The following KATNBL1 variants were observed in gnomAD, a reference collection of about 807,000 sequenced individuals.
The protein encoded by KATNBL1 is katanin regulatory subunit B1 like 1.
A neutral mutation model predicts 44.7 loss-of-function variants in KATNBL1; 28 were observed. The observed-to-expected ratio is 0.63, with a 90% CI of 0.46 to 0.86. The LOEUF is 0.86. Ranked by LOEUF, KATNBL1 falls within the 40% of genes least tolerant of loss-of-function variation. The pLI, the probability that KATNBL1 is intolerant of heterozygous loss-of-function variation, is 0.00. For synonymous variants in KATNBL1, 78 were observed against 114.9 expected (o/e 0.68, Z 2.06); for missense variants, 272 against 350.7 (o/e 0.78, Z 1.79).
intron 4 of KATNBL1, among the ~76,000 whole-genome samples, chr15:34,152,097 T>A (rs1888498000): frequency 6.6e-6 from 1 of 152,010 alleles, no homozygotes; most frequent in Non-Finnish European, 1.5e-5. Context: ...CCCACCATCA[T>A]GCCCGGCTCA....
At chr15:34,173,245 T>C (rs1193530946) in intron 1 of KATNBL1, among the ~76,000 whole-genome samples, 2 of 152,076 alleles carry the variant, frequency 1.3e-5, no homozygotes, top group Non-Finnish European at 2.9e-5. Context: ...TTGAAGGACA[T>C]AAATTTCTAG....
At chr15:34,156,967 G>A (rs1235841071) in intron 2 of KATNBL1, among the ~76,000 whole-genome samples, 1 of 152,100 alleles carries the variant, frequency 6.6e-6, no homozygotes, top group Non-Finnish European at 1.5e-5. Flanking sequence ...GTATTGGGAA[G>A]GCAAGACTCT....
intron 1 of KATNBL1, among the ~76,000 whole-genome samples, chr15:34,208,327 C>G (rs1890347204): frequency 6.6e-6 from 1 of 152,194 alleles, no homozygotes; most frequent in Non-Finnish European, 1.5e-5. Flanking sequence ...CCAATTGGGT[C>G]TACCACCCTG....
intron 1 of KATNBL1, chr15:34,209,686 T>G (rs1890381026): frequency 1.3e-5 from 2 of 152,156 alleles, no homozygotes; most frequent in Admixed American, 1.3e-4. Context: ...GACAACAGGT[T>G]CGGTCCACGC....
intron 1 of KATNBL1, among the ~76,000 whole-genome samples, chr15:34,200,877 C>T (rs780685367): frequency 6.6e-5 from 10 of 151,910 alleles, no homozygotes; most frequent in Non-Finnish European, 1.3e-4. Context: ...AGTGCAGTGG[C>T]GCCATCTCAG....
intron 1 of KATNBL1, among the ~76,000 whole-genome samples, chr15:34,191,458 T>C (rs1477438489): frequency 2.6e-5 from 4 of 152,048 alleles, no homozygotes; most frequent in African/African-American, 9.7e-5. Context: ...AGAAGTGAAA[T>C]GGCTGGGTTT....
At chr15:34,172,074 A>C (rs944868656) in intron 1 of KATNBL1, among the ~76,000 whole-genome samples, 2 of 152,078 alleles carry the variant, frequency 1.3e-5, no homozygotes, top group Non-Finnish European at 2.9e-5. Flanking sequence ...TGGCACTTAA[A>C]GAATAAAAAA....
intron 4 of KATNBL1, among the ~76,000 whole-genome samples, chr15:34,151,268 T>A (rs951058879): frequency 6.6e-6 from 1 of 152,128 alleles, no homozygotes; most frequent in Non-Finnish European, 1.5e-5. Flanking sequence ...GACTTTTTAA[T>A]AATAGCCATT....
chr15:34,166,299 C>T (rs927899778), intron 1 of KATNBL1, among the ~76,000 whole-genome samples: 8 of 152,344 alleles, frequency 5.3e-5, no homozygotes, highest in Non-Finnish European at 7.4e-5. Flanking sequence ...ATGCCTGGCT[C>T]GGCAGGTCCC....
At chr15:34,200,351 C>G (rs1463423509) in intron 1 of KATNBL1, among the ~76,000 whole-genome samples, 1 of 152,008 alleles carries the variant, frequency 6.6e-6, no homozygotes, top group Non-Finnish European at 1.5e-5. Context: ...CTCCCGCATT[C>G]AAGAGATTCT....
chr15:34,192,540 A>G (rs2140987676), intron 1 of KATNBL1, among the ~76,000 whole-genome samples: 1 of 152,352 alleles, frequency 6.6e-6, no homozygotes, highest in South Asian at 2.1e-4. Context: ...AGAAAATGGC[A>G]TGTCTCTTGC....
intron 1 of KATNBL1, among the ~76,000 whole-genome samples, chr15:34,202,885 G>A (rs1890205238): frequency 6.6e-6 from 1 of 152,142 alleles, no homozygotes. Context: ...CAGCCACTGG[G>A]GAGGCTGAGG....
At chr15:34,145,947 C>CTT (rs35429469) in intron 8 of KATNBL1, 9,072 of 123,210 alleles carry the variant, frequency 0.074, 567 homozygotes, top group Non-Finnish European at 0.095. Flanking sequence ...TAAATTGTGG[C>CTT]TTTTTTTTTT....
chr15:34,189,892 C>T lies in KATNBL1; in HGVS notation c.-15+20059G>A, dbSNP rs1221673278. On this transcript the variant is annotated intron_variant, in intron 1 of 9. Coordinates refer to ENST00000256544, the MANE Select transcript of KATNBL1 (RefSeq NM_024713.3). The stretch of plus-strand genomic sequence containing the variant: ...TAAAAGGAAGTGTATGTATTCAATC[C>T]AGCATGTACTGATTCAGCACTACTA... Among the ~76,000 whole-genome samples the T allele has an allele frequency of 4.6e-5, 7 of 151,672 alleles. No homozygotes were observed. The East Asian group carries it at 1.4e-3, about 29-fold the overall frequency.
At chr15:34,158,466 G>T (rs1374086046) in intron 2 of KATNBL1, among the ~76,000 whole-genome samples, 1 of 152,210 alleles carries the variant, frequency 6.6e-6, no homozygotes, top group African/African-American at 2.4e-5. Context: ...TATTTGATCT[G>T]CAAGGTTGTT....
intron 1 of KATNBL1, among the ~76,000 whole-genome samples, chr15:34,207,550 G>A (rs1890326623): frequency 1.3e-5 from 2 of 152,098 alleles, no homozygotes; most frequent in Admixed American, 1.3e-4. Context: ...TGTTGCCCAG[G>A]CTGGTCTCAA....
At chr15:34,172,618 C>T (rs7178203) in intron 1 of KATNBL1, among the ~76,000 whole-genome samples, 49,855 of 151,972 alleles carry the variant, frequency 0.33, 8,601 homozygotes, top group African/African-American at 0.45. Context: ...ATGTTGAGAC[C>T]GCTAATCTTT....
Position 34,153,031 on chromosome 15 carries a change from C to T in KATNBL1, c.197G>A (p.Arg66His), listed in dbSNP as rs569339310. The change falls in exon 4 of 10, where the codon CGT becomes CAT. Residue 66 changes from arginine (R) to histidine (H), a missense_variant. Transcript: ENST00000256544. ...GQTVKSPDKLRKVIYRRKKVH... is the reference protein window; with the variant it reads ...GQTVKSPDKLHKVIYRRKKVH... ...TTTCTTTCTGCGATAGATCACTTTA[C>T]GAAGTTTATCTGGGCTTTTCACAGT... is the stretch of plus-strand genomic sequence containing the variant. The T allele has an allele frequency of 1.1e-5, 18 of 1,613,098 alleles. No individual in the cohort carries two copies. Among genetic ancestry groups the T allele is most frequent in the South Asian group, 5.5e-5 (5 of 90,960 alleles).
Position 34,147,396 on chromosome 15 carries a change from G to C in KATNBL1, c.592C>G (p.Pro198Ala). The C allele has an allele frequency of 6.2e-7, 1 of 1,613,370 alleles. No homozygotes were observed. The highest frequency in any genetic ancestry group is 8.5e-7 in the Non-Finnish European group (1 of 1,179,410). The change falls in exon 6 of 10, where the codon CCT becomes GCT. Residue 198 changes from proline (P) to alanine (A), a missense_variant. By Grantham distance (27) the Pro-to-Ala change is conservative. Around this residue, in one of 3 missense-constraint regions of KATNBL1, gnomAD observed 111 missense variants for 149.3 expected, o/e 0.74. Transcript: ENST00000256544. ...TGTTTTTACCAATTGGTGAGCACAG[G>C]AAGGCAATCTACCACAACGCCAAGA... ...EDLGVVVDCL[P>A]VLTNCLQEEK... is the part of the protein sequence containing the mutation.
Sources: allele counts gnomAD v4.1 joint callset (sites outside exome capture counted in the v4.1 genomes callset), GRCh38; gene constraint gnomAD v4.1.1; regional missense constraint gnomAD v4.1.1; transcripts MANE v1.5; gene names NCBI Gene and HGNC (gene_info 2026-07-23, HGNC 2026-07-21).